The following PPAT variants were observed in gnomAD, a reference collection of about 807,000 sequenced individuals.
PPAT encodes phosphoribosyl pyrophosphate amidotransferase.
PPAT carries 20 observed loss-of-function variants against 60.2 expected under a neutral mutation model. That is an observed-to-expected ratio of 0.33 (90% CI 0.23 to 0.48). The LOEUF (loss-of-function observed/expected upper bound fraction) is 0.48. PPAT is among the 20% of genes least tolerant of loss of function. The pLI is 0.99. For synonymous variants in PPAT, 194 were observed against 215.1 expected (o/e 0.90, Z 0.86); for missense variants, 349 against 629.6 (o/e 0.55, Z 4.77).
intron 1 of PPAT, among the ~76,000 whole-genome samples, chr4:56,408,525 C>T (rs1226247167): frequency 6.7e-6 from 1 of 150,324 alleles, no homozygotes; most frequent in African/African-American, 2.5e-5. Context: ...TAGGTGGAGG[C>T]GGGTGGACCA....
intron 6 of PPAT, among the ~76,000 whole-genome samples, chr4:56,401,904 C>A (rs1716122163): frequency 6.6e-6 from 1 of 151,966 alleles, no homozygotes; most frequent in African/African-American, 2.4e-5. Context: ...TGAAAGAATG[C>A]CAGCTTCAGA....
chr4:56,427,227 C>A (rs1007635735), intron 1 of PPAT, among the ~76,000 whole-genome samples: 1 of 152,148 alleles, frequency 6.6e-6, no homozygotes, highest in East Asian at 1.9e-4. Flanking sequence ...GCTTTCAATT[C>A]TTTTGGGTAT....
At chr4:56,434,444 GGTTT>G (rs1717786327) in intron 1 of PPAT, among the ~76,000 whole-genome samples, 1 of 152,094 alleles carries the variant, frequency 6.6e-6, no homozygotes, top group African/African-American at 2.4e-5. Flanking sequence ...ATCAAACCCA[GGTTT>G]GTTTTTCTTA....
chr4:56,411,766 A>G (rs1716475746), intron 1 of PPAT, among the ~76,000 whole-genome samples: 1 of 152,232 alleles, frequency 6.6e-6, no homozygotes, highest in African/African-American at 2.4e-5. Context: ...CTGCAAATAA[A>G]TTTAACACCT....
chr4:56,424,269 G>T (rs1717181811), intron 1 of PPAT, among the ~76,000 whole-genome samples: 1 of 152,210 alleles, frequency 6.6e-6, no homozygotes, highest in African/African-American at 2.4e-5. Context: ...TGGATTCTGA[G>T]TATCTAGAGT....
intron 1 of PPAT, chr4:56,414,202 T>C (rs182376497): frequency 7.9e-5 from 12 of 152,360 alleles, no homozygotes; most frequent in Admixed American, 7.2e-4. Flanking sequence ...TATGTAATGT[T>C]TTCTGGTTTT....
intron 1 of PPAT, among the ~76,000 whole-genome samples, chr4:56,415,587 T>G (rs1026877502): frequency 1.9e-4 from 29 of 152,188 alleles, no homozygotes; most frequent in African/African-American, 6.8e-4. Flanking sequence ...TTCTGGAAAC[T>G]TTAATATGTA....
At chr4:56,418,112 C>T (rs1325628166) in intron 1 of PPAT, among the ~76,000 whole-genome samples, 1 of 152,068 alleles carries the variant, frequency 6.6e-6, no homozygotes, top group Non-Finnish European at 1.5e-5. Context: ...GCTGGGATTA[C>T]AGGCGTGAGC....
chr4:56,411,906 AAAG>A lies in PPAT; in HGVS notation c.129-4193_129-4191del, dbSNP rs202202555. On this transcript the variant is annotated intron_variant, in intron 1 of 10. Coordinates refer to ENST00000264220, the MANE Select transcript of PPAT (RefSeq NM_002703.5). ...AGCTCAGTAACAAATCATTTCATTA[AAAG>A]AAGAATCCACCCTGCCTACATTCTT... Among the ~76,000 whole-genome samples, 5 of 152,216 alleles carry A rather than the reference AAAG, an allele frequency of 3.3e-5. No homozygotes were observed. The East Asian group carries it at 7.7e-4, about 23-fold the overall frequency.
chr4:56,419,781 A>G (rs1716948281), intron 1 of PPAT: 1 of 984,834 alleles, frequency 1.0e-6, no homozygotes, highest in Non-Finnish European at 1.2e-6. Context: ...AAATAAGAGG[A>G]TATTTCAACA....
intron 1 of PPAT, chr4:56,422,384 A>T (rs529258139): frequency 1.3e-5 from 2 of 152,286 alleles, no homozygotes; most frequent in East Asian, 3.9e-4. Context: ...GTAGCTGAAG[A>T]TGATTCAGTC....
rs569785130 is a variant in PPAT, at chr4:56,419,947, T to C, written c.129-12231A>G. ...AAATTTTTTACTGAGTTGGATGCTA[T>C]TCTGGGACCCAATAAAACAGAAAAA... On this transcript the variant is annotated intron_variant, in intron 1 of 10. Transcript: ENST00000264220. 1.2e-5 allele frequency: 12 copies of C among 984,052 alleles called. No individual in the cohort carries two copies. In the African/African-American group the frequency reaches 1.9e-4, roughly 16 times the overall value. 61.0% of individuals were successfully genotyped at this position (984,052 alleles called of 1,614,324 possible).
chr4:56,416,415 C>T, intron 1 of PPAT: 1 of 862,298 alleles, frequency 1.2e-6, no homozygotes, highest in Non-Finnish European at 1.4e-6. Context: ...CTTCTGGTTT[C>T]TCATGTCAGA....
chr4:56,407,789 A>C, intron 1 of PPAT, 73 bp from the exon 2 acceptor site: 2 of 1,177,070 alleles, frequency 1.7e-6, no homozygotes, highest in Non-Finnish European at 1.3e-6. Context: ...TATCAAGCAT[A>C]CTTTCTCAAC....
Position 56,395,567 on chromosome 4 carries a change from A to C in PPAT, c.1358-19T>G. 1 of 1,487,754 alleles carries C rather than the reference A, an allele frequency of 6.7e-7. No individual in the cohort carries two copies. The highest frequency in any genetic ancestry group is 8.9e-7 in the Non-Finnish European group (1 of 1,121,100). The allele number at this position is 1,487,754 out of a possible 1,614,324, so 92.2% of individuals were successfully genotyped here. A position where few individuals can be genotyped will look rare whatever the true frequency, so the allele number is the denominator to read the frequency against. ...TTTGCTCCTAAAGAAAGAGGGAAAA[A>C]TAAAAATGTAATAAGAATTCCTTTA... On this transcript the variant is annotated intron_variant, in intron 10 of 10. Transcript: ENST00000264220.
Position 56,395,536 on chromosome 4 carries a change from A to T in PPAT, c.1370T>A (p.Val457Asp). The T allele has an allele frequency of 6.4e-7, 1 of 1,561,326 alleles. No homozygotes were observed. Residue 457 changes from valine to aspartate, a missense_variant, in exon 11 of 11, where the codon GTT becomes GAT. Around this residue, in one of 5 missense-constraint regions of PPAT, gnomAD observed 167 missense variants for 328.6 expected, o/e 0.51. Coordinates refer to ENST00000264220, the MANE Select transcript of PPAT (RefSeq NM_002703.5). ...CAGTCCTTCTACTGACAGATACACA[A>T]CACTGTTTGCTCCTAAAGAAAGAGG... ...HLAEYLGANS[V>D]VYLSVEGLVS...
rs1389355538 is a variant in PPAT at position 56,395,445 on chromosome 4, G to T, written c.1461C>A (p.Ile487=). 5 of 1,611,190 alleles carry T rather than the reference G, an allele frequency of 3.1e-6. No homozygotes were observed. The African/African-American group carries it at 6.7e-5, about 22-fold the overall frequency. Residue 487 remains isoleucine, a synonymous_variant, in exon 11 of 11, where the codon ATC becomes ATA. Coordinates refer to ENST00000264220, the MANE Select transcript of PPAT (RefSeq NM_002703.5). ...KQKEKKHDIM[I]QENGNGLECF... is the part of the protein sequence containing the mutation. Reference sequence around the variant, plus strand: ...ATTCCAGACCATTTCCATTTTCTTGGATCATAATATCGTGCTTTTTCTCTT... The same window carrying T: ...ATTCCAGACCATTTCCATTTTCTTGTATCATAATATCGTGCTTTTTCTCTT...
chr4:56,402,804 A>G (rs1716144712), intron 5 of PPAT, among the ~76,000 whole-genome samples: 1 of 121,386 alleles, frequency 8.2e-6, no homozygotes, highest in African/African-American at 3.2e-5. Context: ...GGGCAACAAG[A>G]GTGAAACTCG....
rs1274139617 is a variant in PPAT at position 56,403,326 on chromosome 4, G to A, written c.478C>T (p.Pro160Ser). ...MITQLLAYTPPQEQDDTPDWV... is the reference protein window; with the variant it reads ...MITQLLAYTPSQEQDDTPDWV... ...TCTGGGGTGTCATCTTGTTCCTGAGGAGGGGTATACGCCAGTAACTGGGTA... is the reference window on the plus strand; with the variant it reads ...TCTGGGGTGTCATCTTGTTCCTGAGAAGGGGTATACGCCAGTAACTGGGTA... Residue 160 changes from proline to serine, a missense_variant, in exon 4 of 11, where the codon CCT becomes TCT. Pro to Ser is a moderately conservative substitution (Grantham distance 74). Transcript: ENST00000264220. 1.2e-6 allele frequency: 2 copies of A among 1,613,874 alleles called. No individual in the cohort carries two copies. Among genetic ancestry groups the A allele is most frequent in the Admixed American group, 1.7e-5 (1 of 60,002 alleles).
Sources: allele counts gnomAD v4.1 joint callset (sites outside exome capture counted in the v4.1 genomes callset), GRCh38; gene constraint gnomAD v4.1.1; regional missense constraint gnomAD v4.1.1; transcripts MANE v1.5; gene names NCBI Gene and HGNC (gene_info 2026-07-23, HGNC 2026-07-21).